The following HNRNPR variants were observed in gnomAD, a reference collection of about 807,000 sequenced individuals.
The protein encoded by HNRNPR is heterogeneous nuclear ribonucleoprotein R.
In HNRNPR, 4 loss-of-function variants were observed where a neutral mutation model predicts 70.3. That is an observed-to-expected ratio of 0.06 (90% confidence interval 0.03 to 0.13). HNRNPR has a LOEUF of 0.13. Among genes scored for constraint, HNRNPR ranks in the 10% least tolerant of loss-of-function variants. The pLI, the probability that HNRNPR is intolerant of heterozygous loss-of-function variation, is 1.00. For synonymous variants in HNRNPR, 241 were observed against 267.6 expected, an observed-to-expected ratio of 0.90 and a Z score of 0.97; for missense variants, 423 against 788.5, an observed-to-expected ratio of 0.54 and a Z score of 5.55.
At chr1:23,338,289 A>AC (rs1646579513) in intron 3 of HNRNPR, 1 of 393,878 alleles carries the variant, frequency 2.5e-6, no homozygotes, top group Non-Finnish European at 4.5e-6. Context: ...AACTTACTGC[A>AC]CAAGGGGGTG....
intron 6 of HNRNPR, 40 bp downstream of exon 6, chr1:23,323,516 A>T (rs1312880387): frequency 6.5e-7 from 1 of 1,531,220 alleles, no homozygotes; most frequent in African/African-American, 1.4e-5. Context: ...TTATTTCCTC[A>T]AATAGTGACT....
intron 4 of HNRNPR, among the ~76,000 whole-genome samples, chr1:23,334,400 C>T (rs1646379345): frequency 6.6e-6 from 1 of 151,976 alleles, no homozygotes; most frequent in Non-Finnish European, 1.5e-5. Flanking sequence ...CAACGCCCGG[C>T]TAATTTTTTG....
chr1:23,311,151 T>C lies in HNRNPR; in HGVS notation c.1289+50A>G, dbSNP rs1312738286. The C allele has an allele frequency of 2.5e-6, 4 of 1,610,938 alleles. No individual in the cohort carries two copies. The Admixed American group carries it at 5.1e-5, about 20-fold the overall frequency. Reference sequence around the variant, plus strand: ...TTTGTTTTATTAATCTGATCTCCATTATCACGTTATTCCTTGTCCAAAGAT... The same window carrying C: ...TTTGTTTTATTAATCTGATCTCCATCATCACGTTATTCCTTGTCCAAAGAT... On this transcript the variant is annotated intron_variant, in intron 10 of 10. Coordinates refer to ENST00000302271, the MANE Select transcript of HNRNPR (RefSeq NM_005826.5).
chr1:23,319,879 A>T (rs1187647188), intron 7 of HNRNPR, among the ~76,000 whole-genome samples: 3 of 152,152 alleles, frequency 2.0e-5, no homozygotes, highest in African/African-American at 4.8e-5. Flanking sequence ...TGCTCTTTGT[A>T]TGCTACAACC....
chr1:23,330,340 G>C (rs1190000081), intron 5 of HNRNPR, among the ~76,000 whole-genome samples: 2 of 152,058 alleles, frequency 1.3e-5, no homozygotes. Context: ...TTTGAGACCA[G>C]CCTGGCCAAC....
intron 8 of HNRNPR, among the ~76,000 whole-genome samples, chr1:23,316,639 C>T (rs905194713): frequency 6.6e-6 from 1 of 151,968 alleles, no homozygotes; most frequent in Non-Finnish European, 1.5e-5. Context: ...GTAATACAGG[C>T]TATACTTAGT....
At chr1:23,320,125 A>T (rs1211251649) in intron 7 of HNRNPR, among the ~76,000 whole-genome samples, 1 of 152,212 alleles carries the variant, frequency 6.6e-6, no homozygotes, top group Admixed American at 6.5e-5. Flanking sequence ...CCATCAGTGT[A>T]TCCCAGGCAC....
At chr1:23,321,163 C>CAA (rs58123581) in intron 7 of HNRNPR, among the ~76,000 whole-genome samples, 13 of 98,150 alleles carry the variant, frequency 1.3e-4, no homozygotes, top group Admixed American at 4.7e-4. Context: ...AACTCCGTCT[C>CAA]AAAAAAAAAA....
intron 7 of HNRNPR, among the ~76,000 whole-genome samples, chr1:23,320,564 C>T (rs1452789789): frequency 6.6e-6 from 1 of 152,118 alleles, no homozygotes; most frequent in Non-Finnish European, 1.5e-5. Context: ...AGGCTGAAAC[C>T]ACAAGAGCAA....
intron 5 of HNRNPR, among the ~76,000 whole-genome samples, chr1:23,331,270 G>A (rs1047714217): frequency 2.6e-5 from 4 of 151,886 alleles, no homozygotes; most frequent in Non-Finnish European, 4.4e-5. Context: ...GGTTATCTCC[G>A]AGTTTATTAG....
chr1:23,318,385 C>T lies in HNRNPR; in HGVS notation c.1017+98G>A, dbSNP rs1056698470. 9.6e-7 allele frequency: 1 copy of T among 1,041,358 alleles called. No individual in the cohort carries two copies. Among genetic ancestry groups the T allele is most frequent in the Non-Finnish European group, 1.4e-6 (1 of 697,344 alleles). 64.5% of individuals were successfully genotyped at this position (1,041,358 alleles called of 1,614,324 possible). ...GCCAAACAGTTGAAGTCTAAAGCTA[C>T]AATTTCTATTTATCATAAAACTCAA... is the stretch of plus-strand genomic sequence containing the variant. On this transcript the variant is annotated intron_variant, in intron 8 of 10. Coordinates refer to ENST00000302271, the MANE Select transcript of HNRNPR (RefSeq NM_005826.5). This position sits in a 1 kb window ranked among gnomAD's most constrained non-coding sequence, Gnocchi z 4.2.
At chr1:23,340,663 A>C (rs1339868074) in intron 2 of HNRNPR, among the ~76,000 whole-genome samples, 189 bp downstream of exon 2, 2 of 152,244 alleles carry the variant, frequency 1.3e-5, no homozygotes, top group Non-Finnish European at 2.9e-5. Flanking sequence ...AACACTAAGA[A>C]GGCTTCAAAA....
intron 5 of HNRNPR, among the ~76,000 whole-genome samples, chr1:23,327,316 T>C (rs1646027733): frequency 6.6e-6 from 1 of 152,192 alleles, no homozygotes; most frequent in Admixed American, 6.5e-5. Context: ...TTTTCTAGAT[T>C]CTAGAAATAT....
intron 5 of HNRNPR, among the ~76,000 whole-genome samples, chr1:23,325,561 GTCAT>G (rs1430295477): frequency 4.6e-5 from 7 of 152,162 alleles, no homozygotes; most frequent in Non-Finnish European, 8.8e-5. Flanking sequence ...ACCTGAGAAA[GTCAT>G]TGGTTTCTTC....
chr1:23,329,924 C>A (rs968705482), intron 5 of HNRNPR, among the ~76,000 whole-genome samples: 1 of 152,200 alleles, frequency 6.6e-6, no homozygotes, highest in African/African-American at 2.4e-5. Flanking sequence ...AGCCACCACA[C>A]CCAGCCAACA....
rs1645308358 is a variant in HNRNPR at position 23,310,917 on chromosome 1, T to C, written c.1439A>G (p.His480Arg). 3 of 1,614,158 alleles carry C rather than the reference T, an allele frequency of 1.9e-6. No individual in the cohort carries two copies. Among genetic ancestry groups the C allele is most frequent in the Non-Finnish European group, 2.5e-6 (3 of 1,180,024 alleles). ...YYDDYYGYDY[H>R]DYRGGYEDPY... ...ATCTTCATAGCCTCCACGATAGTCG[T>C]GATAATCATAACCATAGTAATCATC... The change falls in exon 11 of 11, where the codon CAC becomes CGC. Residue 480 changes from histidine to arginine, a missense_variant. Physicochemically the swap from His to Arg is conservative, Grantham distance 29. Transcript: ENST00000302271. This position sits in a 1 kb window ranked among gnomAD's most constrained non-coding sequence, Gnocchi z 6.0.
intron 7 of HNRNPR, among the ~76,000 whole-genome samples, chr1:23,319,299 G>A (rs1002569255): frequency 4.6e-5 from 7 of 152,084 alleles, no homozygotes; most frequent in East Asian, 1.9e-4. Flanking sequence ...GTTCTTACCC[G>A]ATGTATCCTC....
chr1:23,333,743 T>C (rs1257217137), intron 4 of HNRNPR, 112 bp from the exon 5 acceptor site: 4 of 591,632 alleles, frequency 6.8e-6, no homozygotes, highest in Non-Finnish European at 1.2e-5. Context: ...TATATTTTTA[T>C]GGTTAGGTAA....
At chr1:23,339,008 C>T (rs1462949009) in intron 2 of HNRNPR, among the ~76,000 whole-genome samples, 1 of 152,154 alleles carries the variant, frequency 6.6e-6, no homozygotes, top group African/African-American at 2.4e-5. Flanking sequence ...CAAGGATAAA[C>T]CTTCAAATTA....
Sources: allele counts gnomAD v4.1 joint callset (sites outside exome capture counted in the v4.1 genomes callset), GRCh38; gene constraint gnomAD v4.1.1; non-coding constraint Gnocchi (gnomAD v3.1); transcripts MANE v1.5; gene names NCBI Gene and HGNC (gene_info 2026-07-23, HGNC 2026-07-21).